Variants in MAML2 observed in about 807,000 individuals in gnomAD.
MAML2 encodes mastermind-like protein 2.
MAML2 carries 22 observed loss-of-function variants against 96.1 expected under a neutral mutation model. The ratio of observed to expected loss-of-function variants is 0.23; its 90% CI spans 0.16 to 0.33. The LOEUF (loss-of-function observed/expected upper bound fraction) is 0.33. Ranked by LOEUF, MAML2 falls within the 10% of genes least tolerant of loss-of-function variation. The pLI, the probability that MAML2 is intolerant of heterozygous loss-of-function variation, is 1.00. For missense variants in MAML2, 1,367 were observed against 1,392.4 expected (o/e 0.98, Z 0.29); for synonymous variants, 561 against 521.3 (o/e 1.08, Z -1.04).
intron 1 of MAML2, among the ~76,000 whole-genome samples, chr11:96,232,449 T>C (rs1048449821): frequency 2.0e-5 from 3 of 149,326 alleles, no homozygotes; most frequent in African/African-American, 7.4e-5. Context: ...AGGATGTGGG[T>C]GGGTGGAAAG....
At chr11:96,326,691 T>A (rs1413175079) in intron 1 of MAML2, among the ~76,000 whole-genome samples, 1 of 151,716 alleles carries the variant, frequency 6.6e-6, no homozygotes, top group Non-Finnish European at 1.5e-5. Flanking sequence ...TCCCAGCTAC[T>A]CGGGAGGCTG....
chr11:96,032,174 AG>A (rs1207705817), intron 2 of MAML2, among the ~76,000 whole-genome samples: 1 of 152,134 alleles, frequency 6.6e-6, no homozygotes, highest in African/African-American at 2.4e-5. Flanking sequence ...CACTCCAGAC[AG>A]GATAGCAAAG....
chr11:96,237,107 C>A (rs771080814), intron 1 of MAML2, among the ~76,000 whole-genome samples: 1 of 152,172 alleles, frequency 6.6e-6, no homozygotes, highest in Non-Finnish European at 1.5e-5. Context: ...AAAGGAAGAA[C>A]TGCAATGTTA....
At chr11:96,197,424 G>A (rs913029293) in intron 1 of MAML2, among the ~76,000 whole-genome samples, 13 of 152,050 alleles carry the variant, frequency 8.5e-5, no homozygotes, top group African/African-American at 2.9e-4. Flanking sequence ...TGACTCTTTG[G>A]GGGCTGGGAG....
rs1211397206 is a variant in MAML2, at chr11:95,978,162, T to C, written c.*786A>G. On this transcript the variant is annotated 3_prime_UTR_variant, in exon 5 of 5. Transcript: ENST00000524717. ...GGTTTTTTAAAAAAGTGAAATCTAA[T>C]GCAGAGAGGTGTGCACCAATATTTC... 4.7e-6 allele frequency: 1 copy of C among 212,124 alleles called. No individual in the cohort carries two copies. The highest frequency in any genetic ancestry group is 9.6e-6 in the Non-Finnish European group (1 of 104,686). The allele number at this position is 212,124 out of a possible 1,614,324, so 13.1% of individuals were successfully genotyped here.
chr11:96,265,164 C>A (rs1261060436), intron 1 of MAML2, among the ~76,000 whole-genome samples: 1 of 152,150 alleles, frequency 6.6e-6, no homozygotes, highest in Non-Finnish European at 1.5e-5. Flanking sequence ...GAGGCCCAAG[C>A]AATTGCCAGT....
chr11:96,228,621 G>A (rs974204146), intron 1 of MAML2, among the ~76,000 whole-genome samples: 1 of 152,208 alleles, frequency 6.6e-6, no homozygotes, highest in African/African-American at 2.4e-5. Context: ...CAAACATTTA[G>A]TCACTGAAGC....
intron 4 of MAML2, among the ~76,000 whole-genome samples, chr11:95,980,242 T>G: frequency 6.6e-6 from 1 of 152,166 alleles, no homozygotes; most frequent in East Asian, 1.9e-4. Context: ...TCTGAAGTCA[T>G]TGAAGGGAGG....
At chr11:96,149,881 T>C (rs1369798298) in intron 1 of MAML2, among the ~76,000 whole-genome samples, 1 of 152,168 alleles carries the variant, frequency 6.6e-6, no homozygotes, top group Non-Finnish European at 1.5e-5. Context: ...CTTCTTCCTT[T>C]GTCTCTGCCT....
At chr11:96,068,655 C>T (rs900754365) in intron 2 of MAML2, among the ~76,000 whole-genome samples, 3 of 151,828 alleles carry the variant, frequency 2.0e-5, no homozygotes, top group East Asian at 3.9e-4. Context: ...GGTGAAACCC[C>T]GTGTCAACTA....
intron 1 of MAML2, among the ~76,000 whole-genome samples, chr11:96,135,050 T>C (rs1396758098): frequency 6.6e-6 from 1 of 152,242 alleles, no homozygotes; most frequent in African/African-American, 2.4e-5. Context: ...AGTTCATGTG[T>C]TGGAAACTTA....
intron 1 of MAML2, among the ~76,000 whole-genome samples, chr11:96,178,346 C>T (rs1316258288): frequency 2.6e-5 from 4 of 152,132 alleles, no homozygotes; most frequent in African/African-American, 9.7e-5. Context: ...AGCAGGCGCA[C>T]AGCATCTGAC....
intron 2 of MAML2, among the ~76,000 whole-genome samples, chr11:96,011,842 TTGG>T (rs1858272312): frequency 2.0e-5 from 3 of 152,086 alleles, no homozygotes; most frequent in Non-Finnish European, 4.4e-5. Context: ...CTCACATGAG[TTGG>T]TGGTTTAAGA....
chr11:96,207,060 A>C (rs1205059505), intron 1 of MAML2, among the ~76,000 whole-genome samples: 1 of 152,238 alleles, frequency 6.6e-6, no homozygotes, highest in African/African-American at 2.4e-5. Context: ...GAAAGATGTT[A>C]AGTCTGCTTC....
intron 2 of MAML2, among the ~76,000 whole-genome samples, chr11:96,069,346 T>C (rs1859303187): frequency 6.6e-6 from 1 of 152,168 alleles, no homozygotes; most frequent in Admixed American, 6.5e-5. Flanking sequence ...TCACCTATAG[T>C]GACTATTTGA....
chr11:96,284,015 T>A (rs1050103505), intron 1 of MAML2, among the ~76,000 whole-genome samples: 1 of 152,196 alleles, frequency 6.6e-6, no homozygotes, highest in African/African-American at 2.4e-5. Context: ...ACTATATCCT[T>A]CTATCAAACT....
At chr11:96,115,445 A>T (rs1163857824) in intron 1 of MAML2, among the ~76,000 whole-genome samples, 1 of 150,668 alleles carries the variant, frequency 6.6e-6, no homozygotes, top group Non-Finnish European at 1.5e-5. Context: ...GCGATTACAG[A>T]CATGTAATCC....
intron 1 of MAML2, among the ~76,000 whole-genome samples, chr11:96,159,126 A>G (rs1861057395): frequency 6.6e-6 from 1 of 152,120 alleles, no homozygotes; most frequent in Non-Finnish European, 1.5e-5. Context: ...TTGAGTGGAA[A>G]GAACAGCAGA....
At chr11:96,333,655 G>T (rs1404368773) in intron 1 of MAML2, among the ~76,000 whole-genome samples, 3 of 152,198 alleles carry the variant, frequency 2.0e-5, no homozygotes, top group African/African-American at 4.8e-5. Flanking sequence ...CCTGCTTAGG[G>T]TTGGAAAGAC....
Sources: allele counts gnomAD v4.1 joint callset (sites outside exome capture counted in the v4.1 genomes callset), GRCh38; gene constraint gnomAD v4.1.1; transcripts MANE v1.5; gene names NCBI Gene and HGNC (gene_info 2026-07-23, HGNC 2026-07-21).